Variants in ZSCAN18 observed in about 807,000 individuals in gnomAD.
ZSCAN18 encodes zinc finger and SCAN domain containing 18.
In ZSCAN18, 16 loss-of-function variants were observed where a neutral mutation model predicts 31.1. That is an observed-to-expected ratio of 0.51 (90% confidence interval 0.35 to 0.78). ZSCAN18 has a LOEUF of 0.78. ZSCAN18 is among the 30% of genes least tolerant of loss of function. The pLI, the probability that ZSCAN18 is intolerant of heterozygous loss-of-function variation, is 0.01. For missense variants in ZSCAN18, 731 were observed against 697.4 expected (o/e 1.05, Z -0.54); for synonymous variants, 375 against 320.7 (o/e 1.17, Z -1.81).
upstream of ZSCAN18, among the ~76,000 whole-genome samples, chr19:58,100,359 G>A (rs115296868): frequency 6.3e-3 from 957 of 152,244 alleles, 11 homozygotes; most frequent in African/African-American, 0.021. Context: ...TCCATGTACC[G>A]TCTGGGTGAG....
intron 2 of ZSCAN18, among the ~76,000 whole-genome samples, chr19:58,089,254 G>A (rs2074354460): frequency 1.6e-5 from 2 of 126,934 alleles, no homozygotes; most frequent in South Asian, 5.5e-4. Flanking sequence ...AGTGAGCCGA[G>A]ATCCCGCCAC....
intron 1 of ZSCAN18, among the ~76,000 whole-genome samples, chr19:58,092,019 G>T (rs535324997): frequency 1.3e-5 from 2 of 152,288 alleles, no homozygotes; most frequent in Non-Finnish European, 2.9e-5. Flanking sequence ...TGTGGGGTGG[G>T]GTGTGGTGTG....
upstream of ZSCAN18, among the ~76,000 whole-genome samples, chr19:58,099,968 T>TTTTTG (rs1555802347): frequency 2.7e-5 from 4 of 149,616 alleles, no homozygotes; most frequent in East Asian, 5.8e-4. Context: ...AGCTATGTTT[T>TTTTTG]TTTTTTTTTT....
At chr19:58,111,531 G>GT (rs112124893) in intron 1 of ZSCAN18, among the ~76,000 whole-genome samples, 3,254 of 144,704 alleles carry the variant, frequency 0.022, 118 homozygotes, top group Admixed American at 0.089. Context: ...TTGTTTTTTT[G>GT]TTTTTTTTTT....
chr19:58,084,716 G>C lies in ZSCAN18; in HGVS notation c.1502C>G (p.Ala501Gly). ...CTGCGCCTCTGGGGGTGCGGGGGGA[G>C]CCTCGCCCTCCACGCTCTCTGGGGG... is the stretch of plus-strand genomic sequence containing the variant. The part of the protein sequence containing the change: ...GGPPESVEGE[A>G]PPAPPEAQR Residue 501 changes from alanine (A) to glycine (G), a missense_variant, in exon 7 of 7, where the codon GCT (alanine) becomes GGT (glycine). Ala to Gly is a moderately conservative substitution (Grantham distance 60). Coordinates refer to ENST00000601144, the MANE Select transcript of ZSCAN18 (RefSeq NM_001145543.2). The surrounding 1 kb of genome is among the most constrained non-coding windows in gnomAD (Gnocchi z 4.5). 1 of 1,513,242 alleles carries C rather than the reference G, an allele frequency of 6.6e-7. No individual in the cohort carries two copies. The highest frequency in any genetic ancestry group is 8.8e-7 in the Non-Finnish European group (1 of 1,140,856). The allele number at this position is 1,513,242 out of a possible 1,614,324, so 93.7% of individuals were successfully genotyped here.
At chr19:58,113,506 T>C (rs1354103090) in intron 1 of ZSCAN18, among the ~76,000 whole-genome samples, 1 of 152,172 alleles carries the variant, frequency 6.6e-6, no homozygotes, top group African/African-American at 2.4e-5. Flanking sequence ...AGGAATTTCT[T>C]TGTGGGCAAA....
rs139050734 is a variant in ZSCAN18, at chr19:58,090,089, G to C, written c.179C>G (p.Ala60Gly). 1 of 1,613,690 alleles carries C rather than the reference G, an allele frequency of 6.2e-7. No individual in the cohort carries two copies. Among genetic ancestry groups the C allele is most frequent in the African/African-American group, 1.3e-5 (1 of 74,928 alleles). The change falls in exon 2 of 7, where the codon GCT (alanine) becomes GGT (glycine). Residue 60 changes from alanine to glycine, a missense_variant. By Grantham distance (60) the Ala-to-Gly change is moderately conservative. Transcript: ENST00000601144. The surrounding 1 kb of genome is among the most constrained non-coding windows in gnomAD (Gnocchi z 4.7). ...LRFREFVYQEAAGPHQTLARL... is the reference protein window; with the variant it reads ...LRFREFVYQEGAGPHQTLARL... ...GGCCAGGGTCTGGTGGGGCCCGGCA[G>C]CCTCCTGGTAGACAAATTCCCGGAA... is the stretch of plus-strand genomic sequence containing the variant.
chr19:58,117,986 A>G (rs1315581375), intron 1 of ZSCAN18, among the ~76,000 whole-genome samples: 2 of 152,140 alleles, frequency 1.3e-5, no homozygotes, highest in Admixed American at 6.5e-5. Flanking sequence ...CCCCACCACG[A>G]AAGGAGAGTA....
intron 1 of ZSCAN18, among the ~76,000 whole-genome samples, chr19:58,096,084 G>C (rs988192321): frequency 2.0e-5 from 3 of 152,236 alleles, no homozygotes; most frequent in Admixed American, 2.0e-4. Flanking sequence ...AGATCTCACC[G>C]GGGCAGGTGC....
chr19:58,116,640 C>G (rs951354070), intron 1 of ZSCAN18, among the ~76,000 whole-genome samples: 1 of 152,140 alleles, frequency 6.6e-6, no homozygotes, highest in African/African-American at 2.4e-5. Context: ...AGCTAGGGCA[C>G]GGAATTTCAC....
chr19:58,084,484 G>C lies in ZSCAN18; in HGVS notation c.*201C>G, dbSNP rs2074218399. ...CCCTCGGATGCGAGCGCTGGCCCAGGGTGTGTTTACAGAGGTGAGGGCTTC... is the reference window on the plus strand; with the variant it reads ...CCCTCGGATGCGAGCGCTGGCCCAGCGTGTGTTTACAGAGGTGAGGGCTTC... On this transcript the variant is annotated 3_prime_UTR_variant, in exon 7 of 7. Coordinates refer to ENST00000601144, the MANE Select transcript of ZSCAN18 (RefSeq NM_001145543.2). The surrounding 1 kb of genome is among the most constrained non-coding windows in gnomAD (Gnocchi z 4.5). 4.0e-6 allele frequency: 2 copies of C among 503,500 alleles called. No homozygotes were observed. The highest frequency in any genetic ancestry group is 3.3e-6 in the Non-Finnish European group (1 of 300,212). The allele number at this position is 503,500 out of a possible 1,614,324, so 31.2% of individuals were successfully genotyped here.
upstream of ZSCAN18, among the ~76,000 whole-genome samples, chr19:58,100,967 A>T (rs543280382): frequency 5.9e-5 from 9 of 152,254 alleles, no homozygotes; most frequent in Admixed American, 4.6e-4. Flanking sequence ...TCTTTCCTGC[A>T]TTGAATAGCT....
At chr19:58,098,378 G>C (rs942732704), upstream of ZSCAN18, 25 of 985,404 alleles carry the variant, frequency 2.5e-5, no homozygotes, top group Non-Finnish European at 2.9e-5. Flanking sequence ...GTGGCCTCCC[G>C]GCGTCCCGCC....
chr19:58,089,302 C>CAAAAAAAAA (rs374086957), intron 2 of ZSCAN18, among the ~76,000 whole-genome samples: 3 of 45,298 alleles, frequency 6.6e-5, no homozygotes, highest in African/African-American at 2.6e-4. Flanking sequence ...GACTCCGTCT[C>CAAAAAAAAA]AAAAAAAAAA....
At chr19:58,101,424 C>T (rs956339204), upstream of ZSCAN18, among the ~76,000 whole-genome samples, 1 of 150,644 alleles carries the variant, frequency 6.6e-6, no homozygotes, top group Non-Finnish European at 1.5e-5. Context: ...GCTGGGATTA[C>T]AGGCATGAGC....
intron 1 of ZSCAN18, among the ~76,000 whole-genome samples, chr19:58,112,715 C>A (rs376033881): frequency 6.6e-6 from 1 of 151,422 alleles, no homozygotes; most frequent in Non-Finnish European, 1.5e-5. Flanking sequence ...TTGAGGAGGC[C>A]GAGGGGGGCA....
chr19:58,086,099 TG>T, intron 6 of ZSCAN18, 74 bp downstream of exon 6: 2 of 1,324,012 alleles, frequency 1.5e-6, no homozygotes, highest in Non-Finnish European at 2.2e-6. Flanking sequence ...CTGATGGCGC[TG>T]GGAGGGGCCC....
chr19:58,114,408 T>G (rs184215867), intron 1 of ZSCAN18, among the ~76,000 whole-genome samples: 1 of 149,590 alleles, frequency 6.7e-6, no homozygotes, highest in African/African-American at 2.5e-5. Context: ...CAAAAGAATG[T>G]CTTTATTCTT....
intron 2 of ZSCAN18, among the ~76,000 whole-genome samples, chr19:58,089,356 G>A (rs1431851603): frequency 7.0e-6 from 1 of 142,200 alleles, no homozygotes; most frequent in Non-Finnish European, 1.5e-5. Context: ...GGCTGGGTGT[G>A]GTGGCTCACA....
Sources: gnomAD v4.1 joint callset for allele counts (sites outside exome capture counted in the v4.1 genomes callset) on GRCh38, gnomAD v4.1.1 for gene constraint, Gnocchi (gnomAD v3.1) non-coding constraint, MANE v1.5 for transcripts, NCBI Gene and HGNC (gene_info 2026-07-23, HGNC 2026-07-21) for gene names.